Variants in GINS4 observed in about 807,000 individuals in gnomAD.
GINS4 encodes the protein GINS complex subunit 4.
GINS4 carries 20 observed loss-of-function variants against 31.1 expected under a neutral mutation model. The ratio of observed to expected loss-of-function variants is 0.64; its 90% confidence interval spans 0.45 to 0.93. GINS4 has a LOEUF of 0.93. Ranked by LOEUF, GINS4 falls within the 40% of genes least tolerant of loss-of-function variation. GINS4 has a pLI of 0.00. For synonymous variants in GINS4, 85 were observed against 97.9 expected (o/e 0.87, Z 0.78); for missense variants, 245 against 273.9 (o/e 0.89, Z 0.75).
At chr8:41,530,454 G>A (rs1318606496) in intron 2 of GINS4, among the ~76,000 whole-genome samples, 156 bp downstream of exon 2, 2 of 152,208 alleles carry the variant, frequency 1.3e-5, no homozygotes, top group African/African-American at 4.8e-5. Flanking sequence ...GAAGCAAGAA[G>A]GACATCCTCT....
At chr8:41,537,048 A>G (rs1806751134) in intron 3 of GINS4, 132 bp from the exon 4 acceptor site, 2 of 625,800 alleles carry the variant, frequency 3.2e-6, no homozygotes, top group Non-Finnish European at 5.8e-6. Flanking sequence ...TGTACTTTAT[A>G]CAATGATAAA....
In GINS4 at chr8:41,542,231, T is replaced by C; in HGVS notation, c.*144T>C. The C allele has an allele frequency of 4.6e-6, 3 of 650,490 alleles. No homozygotes were observed. Among genetic ancestry groups the C allele is most frequent in the Non-Finnish European group, 8.3e-6 (3 of 360,164 alleles). 40.3% of individuals were successfully genotyped at this position (650,490 alleles called of 1,614,324 possible). A position where few individuals can be genotyped will look rare whatever the true frequency, so the allele number is the denominator to read the frequency against. ...CCCCATCTTTACTAAAAATACAAAA[T>C]AATTAGCCGGGTGTTGGTGGTGTGC... is the stretch of plus-strand genomic sequence containing the variant. On this transcript the variant is annotated 3_prime_UTR_variant, in exon 8 of 8. Coordinates refer to ENST00000276533, the MANE Select transcript of GINS4 (RefSeq NM_032336.3).
chr8:41,541,954 C>A, intron 7 of GINS4, 37 bp from the exon 8 acceptor site: 1 of 1,608,490 alleles, frequency 6.2e-7, no homozygotes, highest in Non-Finnish European at 8.5e-7. Flanking sequence ...GAGGGCCAGC[C>A]GAGCTCTGCA....
chr8:41,532,282 A>G (rs1806659749), intron 2 of GINS4, among the ~76,000 whole-genome samples: 1 of 151,102 alleles, frequency 6.6e-6, no homozygotes, highest in African/African-American at 2.4e-5. Flanking sequence ...ACCAATAAGC[A>G]TATGAAAAAG....
chr8:41,536,306 G>A (rs1459375382), intron 2 of GINS4, 54 bp from the exon 3 acceptor site: 1 of 1,077,956 alleles, frequency 9.3e-7, no homozygotes, highest in African/African-American at 1.5e-5. Flanking sequence ...GACTCACTGG[G>A]TTGTTTAGCT....
chr8:41,543,134 T>C lies in GINS4; in HGVS notation c.*1047T>C, dbSNP rs1806873765. 6.6e-6 allele frequency: 1 copy of C among 152,254 alleles called. No homozygotes were observed. The highest frequency in any genetic ancestry group is 1.9e-4 in the East Asian group (1 of 5,206). 9.4% of individuals were successfully genotyped at this position (152,254 alleles called of 1,614,324 possible). A position where few individuals can be genotyped will look rare whatever the true frequency, so the allele number is the denominator to read the frequency against. Reference sequence around the variant, plus strand: ...TCTCCCGTCATACATCATTAGACTGTGTAAACTAACATTTTAGAACCTCTA... The same window carrying C: ...TCTCCCGTCATACATCATTAGACTGCGTAAACTAACATTTTAGAACCTCTA... On this transcript the variant is annotated 3_prime_UTR_variant, in exon 8 of 8. Coordinates refer to ENST00000276533, the MANE Select transcript of GINS4 (RefSeq NM_032336.3).
chr8:41,532,931 C>G (rs1372950609), intron 2 of GINS4, among the ~76,000 whole-genome samples: 1 of 151,860 alleles, frequency 6.6e-6, no homozygotes, highest in Non-Finnish European at 1.5e-5. Context: ...TTGTTATTGT[C>G]TAGTAAAGAT....
intron 4 of GINS4, among the ~76,000 whole-genome samples, chr8:41,539,007 G>A (rs545613981): frequency 1.3e-5 from 2 of 150,072 alleles, no homozygotes; most frequent in African/African-American, 2.4e-5. Flanking sequence ...CCCACATAAG[G>A]TTTTTGATGG....
At position 41,534,596 on chromosome 8, in the gene GINS4, A is replaced by G. The variant is rs151320935; in HGVS notation, c.97-1764A>G. On this transcript the variant is annotated intron_variant, in intron 2 of 7. Transcript: ENST00000276533. ...TACCCCAGTGTACCAGACAAGCACT[A>G]TCATTTTCTTTGAATATCCTGTCAT... 8.0e-3 allele frequency among the ~76,000 whole-genome samples: 1,218 copies of G among 152,328 alleles called. 6 individuals are homozygous for G. The highest frequency in any genetic ancestry group is 0.013 in the Non-Finnish European group (855 of 68,022).
chr8:41,538,034 A>G (rs891903345), intron 4 of GINS4: 3 of 152,154 alleles, frequency 2.0e-5, no homozygotes, highest in Non-Finnish European at 4.4e-5. Context: ...AAAAAAAAAA[A>G]AAGAAATTGC....
chr8:41,541,969 A>G (rs750122115), intron 7 of GINS4, 22 bp from the exon 8 acceptor site: 11 of 1,612,954 alleles, frequency 6.8e-6, no homozygotes, highest in Non-Finnish European at 9.3e-6. Flanking sequence ...TCTGCAGGCA[A>G]ATGTGTTTCC....
intron 2 of GINS4, among the ~76,000 whole-genome samples, chr8:41,533,743 C>G (rs532721714): frequency 6.6e-6 from 1 of 152,204 alleles, no homozygotes; most frequent in Non-Finnish European, 1.5e-5. Context: ...GGCCACAGAG[C>G]GAAGTCCCAA....
In GINS4 at chr8:41,540,120, A is replaced by G. The variant is rs1585623708; in HGVS notation, c.484+116A>G. The G allele has an allele frequency of 2.9e-4, 219 of 758,708 alleles. 1 individual carries two copies. In the South Asian group the frequency reaches 3.5e-3, roughly 12 times the overall value. 47.0% of individuals were successfully genotyped at this position (758,708 alleles called of 1,614,324 possible). A position where few individuals can be genotyped will look rare whatever the true frequency, so the allele number is the denominator to read the frequency against. On this transcript the variant is annotated intron_variant, in intron 6 of 7. Coordinates refer to ENST00000276533, the MANE Select transcript of GINS4 (RefSeq NM_032336.3). Reference sequence around the variant, plus strand: ...AAAAGTAAGTATGTAGATAAACAGAAAGAAGAGCAAGGATTCTAGCTAAAA... The same window carrying G: ...AAAAGTAAGTATGTAGATAAACAGAGAGAAGAGCAAGGATTCTAGCTAAAA...
chr8:41,544,890 CT>C lies in GINS4; in HGVS notation c.*2804del, dbSNP rs1470263798. On this transcript the variant is annotated 3_prime_UTR_variant, in exon 8 of 8. Coordinates refer to ENST00000276533, the MANE Select transcript of GINS4 (RefSeq NM_032336.3). ...CTCTACGTCCTCATGCCTCCAGCTG[CT>C]GCCCTGTACATGTCCAACTGCACGG... 3 of 152,196 alleles carry C rather than the reference CT, an allele frequency of 2.0e-5. No individual in the cohort carries two copies. The highest frequency in any genetic ancestry group is 4.4e-5 in the Non-Finnish European group (3 of 68,048). The allele number at this position is 152,196 out of a possible 1,614,324, so 9.4% of individuals were successfully genotyped here.
intron 4 of GINS4, among the ~76,000 whole-genome samples, chr8:41,539,150 T>C (rs1024717601): frequency 3.3e-5 from 5 of 151,092 alleles, no homozygotes; most frequent in Non-Finnish European, 5.9e-5. Context: ...TGAAATCCTA[T>C]CTCTACTAAA....
At chr8:41,539,319 C>CAA (rs36097557) in intron 4 of GINS4, among the ~76,000 whole-genome samples, 10,315 of 54,684 alleles carry the variant, frequency 0.19, 1,110 homozygotes, top group Non-Finnish European at 0.21. Flanking sequence ...GACTCCATCT[C>CAA]AAAAAAAAAA....
chr8:41,536,290 T>TG, intron 2 of GINS4, 70 bp from the exon 3 acceptor site: 1 of 915,200 alleles, frequency 1.1e-6, no homozygotes, highest in Non-Finnish European at 1.8e-6. Flanking sequence ...TCGTTGGACT[T>TG]GGGCTGACTC....
chr8:41,540,929 C>T (rs1354759248), intron 6 of GINS4, among the ~76,000 whole-genome samples: 1 of 152,254 alleles, frequency 6.6e-6, no homozygotes, highest in East Asian at 1.9e-4. Context: ...GCCTGTTCCT[C>T]ATAGATGGCG....
intron 2 of GINS4, among the ~76,000 whole-genome samples, chr8:41,534,943 T>A (rs182891634): frequency 6.6e-6 from 1 of 151,990 alleles, no homozygotes; most frequent in East Asian, 2.0e-4. Context: ...CCAGGATGGT[T>A]TGATCTCCTG....
Sources: gnomAD v4.1 joint callset for allele counts (sites outside exome capture counted in the v4.1 genomes callset) on GRCh38, gnomAD v4.1.1 for gene constraint, MANE v1.5 for transcripts, NCBI Gene and HGNC (gene_info 2026-07-23, HGNC 2026-07-21) for gene names.